ATP6V1A: variants seen among roughly 807,000 people sequenced by gnomAD.
ATP6V1A encodes the protein ATPase H+ transporting V1 subunit A.
A neutral mutation model predicts 70.1 loss-of-function variants in ATP6V1A; 18 were observed. The observed-to-expected ratio is 0.26, with a 90% CI of 0.18 to 0.38. The LOEUF (loss-of-function observed/expected upper bound fraction) is 0.38, where lower values mean the gene tolerates loss of function less well. Ranked by LOEUF, ATP6V1A falls within the 10% of genes least tolerant of loss-of-function variation. ATP6V1A has a pLI of 1.00. For missense variants in ATP6V1A, 424 were observed against 772.4 expected, an observed-to-expected ratio of 0.55 and a Z score of 5.35; for synonymous variants, 232 against 253.8, an observed-to-expected ratio of 0.91 and a Z score of 0.82.
At chr3:113,782,709 C>T (rs1157722567) in intron 3 of ATP6V1A, among the ~76,000 whole-genome samples, 1 of 151,106 alleles carries the variant, frequency 6.6e-6, no homozygotes, top group African/African-American at 2.4e-5. Flanking sequence ...CTGCAACCTC[C>T]GCCTCCCAGG....
chr3:113,802,665 A>AT (rs34650903), intron 12 of ATP6V1A: 93,149 of 148,104 alleles, frequency 0.63, 28,982 homozygotes, highest in South Asian at 0.74. Flanking sequence ...TTTGTTTGGG[A>AT]TTTTTTTTTG....
At chr3:113,801,200 A>G (rs1249586683) in intron 12 of ATP6V1A, 3 of 138,636 alleles carry the variant, frequency 2.2e-5, no homozygotes, top group Non-Finnish European at 4.6e-5. Context: ...AAAAATGTTT[A>G]GAAAAATTTT....
At chr3:113,798,733 T>C (rs1288667403) in intron 12 of ATP6V1A, among the ~76,000 whole-genome samples, 3 of 152,198 alleles carry the variant, frequency 2.0e-5, no homozygotes. Flanking sequence ...TTTGTAGGAA[T>C]GCTAGGGCTA....
At chr3:113,773,770 C>G (rs991425169) in intron 1 of ATP6V1A, among the ~76,000 whole-genome samples, 20 of 152,152 alleles carry the variant, frequency 1.3e-4, no homozygotes, top group African/African-American at 4.8e-4. Context: ...CTCAGCTTAA[C>G]CTCCTATTAA....
At chr3:113,785,169 T>C (rs1402383421) in intron 5 of ATP6V1A, among the ~76,000 whole-genome samples, 2 of 152,198 alleles carry the variant, frequency 1.3e-5, no homozygotes, top group African/African-American at 4.8e-5. Context: ...GGACCGGGCA[T>C]GTAGGCTCAC....
At chr3:113,789,649 G>GT (rs1577091800) in intron 7 of ATP6V1A, 83 bp from the exon 8 acceptor site, 7 of 1,019,242 alleles carry the variant, frequency 6.9e-6, no homozygotes, top group East Asian at 2.6e-5. Flanking sequence ...ATGGGCAAAA[G>GT]TTTAAAAAAA....
chr3:113,770,961 G>A (rs563769998), intron 1 of ATP6V1A, among the ~76,000 whole-genome samples: 18 of 152,006 alleles, frequency 1.2e-4, no homozygotes, highest in African/African-American at 4.1e-4. Context: ...TGGGTGTGGG[G>A]GCGCATGCCT....
At chr3:113,748,622 T>C (rs1708550622) in intron 1 of ATP6V1A, among the ~76,000 whole-genome samples, 2 of 152,318 alleles carry the variant, frequency 1.3e-5, no homozygotes, top group South Asian at 4.1e-4. Flanking sequence ...AATAAAAAGT[T>C]AAAATTCTAC....
At chr3:113,776,608 T>G (rs576577921) in intron 1 of ATP6V1A, among the ~76,000 whole-genome samples, 45 of 152,342 alleles carry the variant, frequency 3.0e-4, no homozygotes, top group Middle Eastern at 3.4e-3. Context: ...TTCCAGAGCT[T>G]CTTCGACTTA....
chr3:113,753,912 T>C (rs1402234637), intron 1 of ATP6V1A, among the ~76,000 whole-genome samples: 1 of 151,968 alleles, frequency 6.6e-6, no homozygotes, highest in Non-Finnish European at 1.5e-5. Context: ...GCCCAGGCCA[T>C]CATGTATCTT....
At chr3:113,747,578 C>T (rs917055842) in intron 1 of ATP6V1A, among the ~76,000 whole-genome samples, 3 of 152,168 alleles carry the variant, frequency 2.0e-5, no homozygotes, top group African/African-American at 7.2e-5. Flanking sequence ...GTCACTGATA[C>T]GGCCCTCACT....
chr3:113,792,324 G>T (rs1352903048), intron 8 of ATP6V1A, among the ~76,000 whole-genome samples: 1 of 151,934 alleles, frequency 6.6e-6, no homozygotes, highest in African/African-American at 2.4e-5. Flanking sequence ...TGTTTTGCAT[G>T]CATGTTTCTT....
intron 10 of ATP6V1A, 90 bp from the exon 11 acceptor site, chr3:113,795,786 A>G: frequency 9.7e-7 from 1 of 1,031,514 alleles, no homozygotes; most frequent in Non-Finnish European, 1.4e-6. Flanking sequence ...ATCGACTTTA[A>G]AAAAAGTTAA....
At chr3:113,762,756 A>G (rs939655522) in intron 1 of ATP6V1A, among the ~76,000 whole-genome samples, 2 of 152,110 alleles carry the variant, frequency 1.3e-5, no homozygotes, top group African/African-American at 2.4e-5. Flanking sequence ...CATTATTATT[A>G]TTAAGTACAT....
At chr3:113,776,961 C>G (rs1708920552) in intron 1 of ATP6V1A, among the ~76,000 whole-genome samples, 1 of 152,208 alleles carries the variant, frequency 6.6e-6, no homozygotes, top group Admixed American at 6.5e-5. Flanking sequence ...GGTATCTTCT[C>G]TAAACATTCT....
At chr3:113,764,533 C>T (rs1238133779) in intron 1 of ATP6V1A, among the ~76,000 whole-genome samples, 3 of 152,042 alleles carry the variant, frequency 2.0e-5, no homozygotes, top group African/African-American at 7.3e-5. Context: ...AAGCATATTG[C>T]TTCTGAAAAC....
intron 14 of ATP6V1A, among the ~76,000 whole-genome samples, chr3:113,808,610 A>G (rs1363778684): frequency 6.6e-6 from 1 of 152,046 alleles, no homozygotes; most frequent in Non-Finnish European, 1.5e-5. Flanking sequence ...TTTTATACAT[A>G]TTACTCAGTA....
chr3:113,789,696 A>G (rs1331757289), intron 7 of ATP6V1A, 36 bp from the exon 8 acceptor site: 9 of 1,488,642 alleles, frequency 6.0e-6, no homozygotes, highest in Non-Finnish European at 8.4e-6. Context: ...GTTACCTTAG[A>G]AATTGGAGAT....
chr3:113,793,242 T>C (rs1398351716), intron 8 of ATP6V1A, among the ~76,000 whole-genome samples: 1 of 152,094 alleles, frequency 6.6e-6, no homozygotes, highest in Non-Finnish European at 1.5e-5. Flanking sequence ...TTTGTATTTT[T>C]AGTAGAGATG....
Sources: gnomAD v4.1 joint callset for allele counts (sites outside exome capture counted in the v4.1 genomes callset) on GRCh38, gnomAD v4.1.1 for gene constraint, MANE v1.5 for transcripts, NCBI Gene and HGNC (gene_info 2026-07-23, HGNC 2026-07-21) for gene names.